The following ITGB5 variants were observed in gnomAD, a reference collection of about 807,000 sequenced individuals.
ITGB5 encodes integrin beta-5.
In ITGB5, 38 loss-of-function variants were observed where a neutral mutation model predicts 84.8. The observed-to-expected ratio is 0.45, with a 90% CI of 0.35 to 0.59. The LOEUF (loss-of-function observed/expected upper bound fraction) is 0.59, where lower values mean the gene tolerates loss of function less well. ITGB5 is among the 20% of genes least tolerant of loss of function. The pLI is 0.01. For synonymous variants in ITGB5, 393 were observed against 414.4 expected (o/e 0.95, Z 0.63); for missense variants, 905 against 1,034.5 (o/e 0.87, Z 1.72).
intron 1 of ITGB5, among the ~76,000 whole-genome samples, chr3:124,874,414 G>T (rs1160388066): frequency 6.6e-6 from 1 of 151,582 alleles, no homozygotes; most frequent in Admixed American, 6.6e-5. Context: ...TTGTCAAAAT[G>T]TCCATGCTAT....
At chr3:124,824,899 G>A (rs113540913) in intron 5 of ITGB5, among the ~76,000 whole-genome samples, 7 of 152,296 alleles carry the variant, frequency 4.6e-5, no homozygotes, top group African/African-American at 1.7e-4. Flanking sequence ...ATCAAGTGCT[G>A]ATAAAAATGT....
intron 14 of ITGB5, among the ~76,000 whole-genome samples, chr3:124,763,940 G>T (rs901833523): frequency 1.3e-5 from 2 of 152,196 alleles, no homozygotes; most frequent in Admixed American, 6.5e-5. Context: ...AGGAGGAGTT[G>T]GGTCAGAAGG....
chr3:124,821,568 T>G, intron 5 of ITGB5, 94 bp from the exon 6 acceptor site: 2 of 1,352,228 alleles, frequency 1.5e-6, no homozygotes, highest in South Asian at 2.5e-5. Flanking sequence ...AGTCACGGCC[T>G]GAATCAGAGG....
intron 6 of ITGB5, 43 bp from the exon 7 acceptor site, chr3:124,819,877 G>A (rs755528997): frequency 7.1e-7 from 1 of 1,404,862 alleles, no homozygotes; most frequent in South Asian, 1.2e-5. Flanking sequence ...TTCCTAACAG[G>A]TGTAGATACC....
chr3:124,852,796 T>G (rs2065175418), intron 3 of ITGB5, among the ~76,000 whole-genome samples: 1 of 152,014 alleles, frequency 6.6e-6, no homozygotes, highest in Non-Finnish European at 1.5e-5. Context: ...CAAGCAATCC[T>G]CCCACCTCAG....
intron 5 of ITGB5, among the ~76,000 whole-genome samples, chr3:124,839,000 G>A (rs2064976503): frequency 6.6e-6 from 1 of 152,162 alleles, no homozygotes; most frequent in Non-Finnish European, 1.5e-5. Flanking sequence ...ATAAGGCTGT[G>A]GTGAGCCAGG....
chr3:124,840,330 C>T (rs928281442), intron 5 of ITGB5, among the ~76,000 whole-genome samples: 1 of 152,178 alleles, frequency 6.6e-6, no homozygotes, highest in Non-Finnish European at 1.5e-5. Flanking sequence ...ATTATTCACA[C>T]TCTATTGATG....
At chr3:124,874,620 G>C (rs1324288204) in intron 1 of ITGB5, among the ~76,000 whole-genome samples, 1 of 152,204 alleles carries the variant, frequency 6.6e-6, no homozygotes, top group Admixed American at 6.5e-5. Context: ...CAAAGCAACT[G>C]TAATTAAAAC....
At chr3:124,889,991 TG>T (rs562679904), upstream of ITGB5, among the ~76,000 whole-genome samples, 64 of 151,942 alleles carry the variant, frequency 4.2e-4, no homozygotes, top group South Asian at 3.7e-3. Context: ...CACTCCAGCC[TG>T]GGCGACAAAG....
At chr3:124,873,649 G>T (rs755445706) in intron 1 of ITGB5, 118 bp from the exon 2 acceptor site, 36 of 792,194 alleles carry the variant, frequency 4.5e-5, no homozygotes, top group Non-Finnish European at 7.6e-5. Context: ...AGTCTAAAGG[G>T]TGCAGGTACC....
intron 4 of ITGB5, among the ~76,000 whole-genome samples, chr3:124,841,900 G>A (rs2065016404): frequency 6.6e-6 from 1 of 152,226 alleles, no homozygotes; most frequent in Admixed American, 6.5e-5. Context: ...GCCAGCCTAG[G>A]CAGAGTGGAG....
At chr3:124,797,379 C>A (rs1273751226) in intron 9 of ITGB5, among the ~76,000 whole-genome samples, 1 of 152,130 alleles carries the variant, frequency 6.6e-6, no homozygotes, top group Non-Finnish European at 1.5e-5. Flanking sequence ...TCTCCAGACA[C>A]CCCCGAGTCC....
At chr3:124,837,849 G>GA in intron 5 of ITGB5, among the ~76,000 whole-genome samples, 1 of 152,374 alleles carries the variant, frequency 6.6e-6, no homozygotes, top group Non-Finnish European at 1.5e-5. Context: ...CCAGGGCACA[G>GA]GGTCAGGGGA....
At chr3:124,874,061 A>C (rs1934187254) in intron 1 of ITGB5, among the ~76,000 whole-genome samples, 1 of 55,016 alleles carries the variant, frequency 1.8e-5, no homozygotes, top group Non-Finnish European at 3.4e-5. Context: ...TAATAGGTCA[A>C]ATAAAAAAAA....
intron 2 of ITGB5, among the ~76,000 whole-genome samples, chr3:124,863,976 A>G (rs2065342682): frequency 1.5e-5 from 2 of 134,376 alleles, no homozygotes; most frequent in South Asian, 4.4e-4. Context: ...AGGTAAAAAA[A>G]GAAAAAAAAA....
intron 10 of ITGB5, among the ~76,000 whole-genome samples, chr3:124,796,168 T>C (rs1268690232): frequency 1.3e-5 from 2 of 152,226 alleles, no homozygotes; most frequent in East Asian, 3.9e-4. Context: ...CCTCGAATTC[T>C]GAGAGTCCAC....
At chr3:124,775,569 A>G (rs546516445) in intron 10 of ITGB5, among the ~76,000 whole-genome samples, 37 of 152,316 alleles carry the variant, frequency 2.4e-4, no homozygotes, top group African/African-American at 8.2e-4. Context: ...TAAAAAATCA[A>G]CTTTGTATTA....
chr3:124,828,994 A>C (rs1286200335), intron 5 of ITGB5, among the ~76,000 whole-genome samples: 2 of 152,238 alleles, frequency 1.3e-5, no homozygotes, highest in African/African-American at 4.8e-5. Flanking sequence ...AGAATTAAAG[A>C]AGATGATACA....
At chr3:124,869,239 C>T (rs1207018874) in intron 2 of ITGB5, among the ~76,000 whole-genome samples, 1 of 152,072 alleles carries the variant, frequency 6.6e-6, no homozygotes, top group African/African-American at 2.4e-5. Context: ...AAGAAGGCAC[C>T]CAGCCACACT....
Sources: gnomAD v4.1 joint callset for allele counts (sites outside exome capture counted in the v4.1 genomes callset) on GRCh38, gnomAD v4.1.1 for gene constraint, MANE v1.5 for transcripts, NCBI Gene and HGNC (gene_info 2026-07-23, HGNC 2026-07-21) for gene names.